ADAMTS6: variants seen among roughly 807,000 people sequenced by gnomAD.
The protein encoded by ADAMTS6 is A disintegrin and metalloproteinase with thrombospondin motifs 6.
A neutral mutation model predicts 144.3 loss-of-function variants in ADAMTS6; 23 were observed. That is an observed-to-expected ratio of 0.16 (90% confidence interval 0.11 to 0.23). The LOEUF is 0.23. Ranked by LOEUF, ADAMTS6 falls within the 10% of genes least tolerant of loss-of-function variation. The pLI is 1.00. For synonymous variants in ADAMTS6, 444 were observed against 457.5 expected, an observed-to-expected ratio of 0.97 and a Z score of 0.38; for missense variants, 999 against 1,379.6, an observed-to-expected ratio of 0.72 and a Z score of 4.37.
At chr5:65,231,741 A>T (rs1269957777) in intron 15 of ADAMTS6, among the ~76,000 whole-genome samples, 2 of 152,192 alleles carry the variant, frequency 1.3e-5, no homozygotes, top group East Asian at 1.9e-4. Flanking sequence ...ATTCACAAAT[A>T]TGTGGAAATT....
intron 7 of ADAMTS6, among the ~76,000 whole-genome samples, chr5:65,418,530 AC>A (rs1352549401): frequency 1.3e-5 from 2 of 152,194 alleles, no homozygotes; most frequent in African/African-American, 4.8e-5. Flanking sequence ...TCTTCCAAGT[AC>A]CCCATGTACA....
intron 10 of ADAMTS6, among the ~76,000 whole-genome samples, chr5:65,294,145 T>C (rs1390529551): frequency 1.3e-5 from 2 of 152,244 alleles, no homozygotes; most frequent in Non-Finnish European, 2.9e-5. Context: ...ATTTTCCTTC[T>C]AGTAACCATA....
chr5:65,347,437 T>C lies in ADAMTS6; in HGVS notation c.1074-13352A>G, dbSNP rs1247095984. Among the ~76,000 whole-genome samples, 6 of 151,988 alleles carry C rather than the reference T, an allele frequency of 3.9e-5. No homozygotes were observed. In the South Asian group the frequency reaches 1.2e-3, roughly 31 times the overall value. ...CTTCAGTAAACAGTGCTGGGAAAAC[T>C]TGATAGCCACATGCTGAAGAATGAG... On this transcript the variant is annotated intron_variant, in intron 7 of 24. Coordinates refer to ENST00000381055, the MANE Select transcript of ADAMTS6 (RefSeq NM_197941.4).
intron 7 of ADAMTS6, among the ~76,000 whole-genome samples, chr5:65,425,156 C>T (rs1201474336): frequency 6.6e-6 from 1 of 152,110 alleles, no homozygotes; most frequent in Non-Finnish European, 1.5e-5. Context: ...GGCACCATGT[C>T]CAGCTAATTT....
intron 7 of ADAMTS6, among the ~76,000 whole-genome samples, chr5:65,354,227 C>T (rs1254283230): frequency 6.6e-6 from 1 of 151,760 alleles, no homozygotes; most frequent in Non-Finnish European, 1.5e-5. Flanking sequence ...TTTGCAATCA[C>T]AATGAGAGCA....
chr5:65,352,041 T>C (rs775901061), intron 7 of ADAMTS6, among the ~76,000 whole-genome samples: 2 of 152,172 alleles, frequency 1.3e-5, no homozygotes, highest in Non-Finnish European at 2.9e-5. Flanking sequence ...CAGTACTCAA[T>C]TGCCATGGTG....
At chr5:65,457,745 CTTT>C (rs1180960588) in intron 4 of ADAMTS6, among the ~76,000 whole-genome samples, 1 of 97,438 alleles carries the variant, frequency 1.0e-5, no homozygotes, top group Non-Finnish European at 2.1e-5. Flanking sequence ...TTCTTTCTTT[CTTT>C]TTTTTTTTTT....
chr5:65,171,488 G>A (rs573706853), intron 23 of ADAMTS6, among the ~76,000 whole-genome samples: 5 of 152,178 alleles, frequency 3.3e-5, no homozygotes, highest in East Asian at 3.9e-4. Flanking sequence ...AACAATTCCC[G>A]GCAAGGCTGG....
rs146446599 is a variant in ADAMTS6 at position 65,171,428 on chromosome 5, T to G, written c.3088-655A>C. Among the ~76,000 whole-genome samples, 95 of 152,238 alleles carry G rather than the reference T, an allele frequency of 6.2e-4. No homozygotes were observed. The East Asian group carries it at 0.016, about 26-fold the overall frequency. On this transcript the variant is annotated intron_variant, in intron 23 of 24. Coordinates refer to ENST00000381055, the MANE Select transcript of ADAMTS6 (RefSeq NM_197941.4). ...CATGTTATTACCCTAGCAAACAGACTCAATATACTTCCCAGAAGATAATAC... is the reference window on the plus strand; with the variant it reads ...CATGTTATTACCCTAGCAAACAGACGCAATATACTTCCCAGAAGATAATAC...
intron 11 of ADAMTS6, among the ~76,000 whole-genome samples, chr5:65,291,063 A>C (rs1194049198): frequency 2.6e-5 from 4 of 152,240 alleles, no homozygotes; most frequent in African/African-American, 9.6e-5. Flanking sequence ...TCATAAATTC[A>C]AGATTTAAAG....
intron 14 of ADAMTS6, among the ~76,000 whole-genome samples, chr5:65,254,043 C>T (rs1054549775): frequency 2.0e-5 from 3 of 151,758 alleles, no homozygotes; most frequent in African/African-American, 7.3e-5. Flanking sequence ...AGGGGTTTCA[C>T]CATGTTGCCC....
chr5:65,160,233 T>C (rs946768688), intron 24 of ADAMTS6, among the ~76,000 whole-genome samples: 6 of 152,070 alleles, frequency 3.9e-5, no homozygotes, highest in African/African-American at 1.2e-4. Context: ...AATCTGACTG[T>C]GCTGGAGGAA....
At chr5:65,245,248 C>A (rs1030632550) in intron 14 of ADAMTS6, among the ~76,000 whole-genome samples, 1 of 152,112 alleles carries the variant, frequency 6.6e-6, no homozygotes, top group African/African-American at 2.4e-5. Context: ...ACTTCCCAGG[C>A]TTTTTTGTCA....
intron 16 of ADAMTS6, 74 bp downstream of exon 16, chr5:65,226,012 T>A: frequency 6.9e-7 from 1 of 1,454,562 alleles, no homozygotes. Flanking sequence ...TTAAACATAG[T>A]ATTAAATAGG....
At chr5:65,372,022 A>C (rs1169881687) in intron 7 of ADAMTS6, among the ~76,000 whole-genome samples, 1 of 152,084 alleles carries the variant, frequency 6.6e-6, no homozygotes, top group South Asian at 2.1e-4. Flanking sequence ...CAGCCAAATT[A>C]AGCTTCATAA....
rs552925631 is a variant in ADAMTS6, at chr5:65,170,221, A to C, written c.3244+396T>G. 2.6e-5 allele frequency among the ~76,000 whole-genome samples: 4 copies of C among 152,330 alleles called. No homozygotes were observed. The East Asian group carries it at 7.7e-4, about 29-fold the overall frequency. The stretch of plus-strand genomic sequence containing the variant: ...TTATATGTATAACAAGAATGAATTT[A>C]AATCTTCAGAATGATAGAGATCCAC... On this transcript the variant is annotated intron_variant, in intron 24 of 24. Transcript: ENST00000381055.
intron 18 of ADAMTS6, 141 bp downstream of exon 18, chr5:65,224,179 T>G (rs184421282): frequency 1.2e-5 from 8 of 668,768 alleles, no homozygotes; most frequent in Admixed American, 9.8e-5. Context: ...TGTATATGTG[T>G]TCTATAAAAC....
chr5:65,365,003 T>C (rs1362763443), intron 7 of ADAMTS6, among the ~76,000 whole-genome samples: 1 of 152,166 alleles, frequency 6.6e-6, no homozygotes, highest in African/African-American at 2.4e-5. Flanking sequence ...TCTTTCCTTT[T>C]AAAAGAGGTT....
chr5:65,372,674 C>T (rs1000910272), intron 7 of ADAMTS6, among the ~76,000 whole-genome samples: 1 of 152,108 alleles, frequency 6.6e-6, no homozygotes, highest in Non-Finnish European at 1.5e-5. Context: ...TTTAACACCC[C>T]ACTGTCAACA....
Sources: gnomAD v4.1 joint callset for allele counts (sites outside exome capture counted in the v4.1 genomes callset) on GRCh38, gnomAD v4.1.1 for gene constraint, MANE v1.5 for transcripts, NCBI Gene and HGNC (gene_info 2026-07-23, HGNC 2026-07-21) for gene names.